KHDRBS2: variants seen among roughly 807,000 people sequenced by gnomAD.
The protein encoded by KHDRBS2 is KH RNA binding domain containing, signal transduction associated 2, also known as KH domain-containing, RNA-binding, signal transduction-associated protein 2.
Under a neutral mutation model 44.3 loss-of-function variants are expected in KHDRBS2, and 26 were observed. The observed-to-expected ratio is 0.59, with a 90% confidence interval of 0.43 to 0.81. The LOEUF (loss-of-function observed/expected upper bound fraction) is 0.81. Among genes scored for constraint, KHDRBS2 ranks in the 40% least tolerant of loss-of-function variants. The probability of loss-of-function intolerance (pLI) is 0.00; values close to 1 mark genes in which losing one functional copy is unlikely to be tolerated. For synonymous variants in KHDRBS2, 194 were observed against 151.1 expected, an observed-to-expected ratio of 1.28 and a Z score of -2.08; for missense variants, 476 against 433.1, an observed-to-expected ratio of 1.10 and a Z score of -0.88.
At chr6:62,161,280 G>A (rs571762334) in intron 2 of KHDRBS2, among the ~76,000 whole-genome samples, 1 of 151,818 alleles carries the variant, frequency 6.6e-6, no homozygotes, top group South Asian at 2.1e-4. Flanking sequence ...TACATTTAAA[G>A]TAATTACAGT....
intron 1 of KHDRBS2, among the ~76,000 whole-genome samples, chr6:62,185,517 C>T (rs1295028111): frequency 2.0e-5 from 3 of 151,826 alleles, no homozygotes; most frequent in South Asian, 4.1e-4. Flanking sequence ...TTATTGAAGG[C>T]ATAAGAGACT....
the KHDRBS2 span, among the ~76,000 whole-genome samples, chr6:61,567,932 A>T: frequency 6.6e-6 from 1 of 152,010 alleles, no homozygotes; most frequent in South Asian, 2.1e-4. Context: ...TCTATTCAGA[A>T]TTTTTTTCCA....
At chr6:61,643,892 A>T in the KHDRBS2 span, among the ~76,000 whole-genome samples, 1 of 152,226 alleles carries the variant, frequency 6.6e-6, no homozygotes, top group Admixed American at 6.5e-5. Context: ...AAAGCAATTT[A>T]CAGATTCAAT....
chr6:61,641,819 G>A, the KHDRBS2 span, among the ~76,000 whole-genome samples: 9 of 152,218 alleles, frequency 5.9e-5, no homozygotes, highest in Non-Finnish European at 1.3e-4. Context: ...GATAGAGATA[G>A]AGGCCAAGCC....
chr6:61,617,977 T>C, the KHDRBS2 span, among the ~76,000 whole-genome samples: 29 of 152,316 alleles, frequency 1.9e-4, no homozygotes, highest in African/African-American at 6.7e-4. Context: ...TTTAGAATAA[T>C]TTGCCATTTA....
intron 1 of KHDRBS2, among the ~76,000 whole-genome samples, chr6:62,200,559 G>A (rs556703881): frequency 1.1e-4 from 17 of 152,264 alleles, no homozygotes; most frequent in African/African-American, 4.1e-4. Flanking sequence ...CAGTTAGAAT[G>A]GCGATCATTA....
intron 6 of KHDRBS2, among the ~76,000 whole-genome samples, chr6:61,769,118 T>G (rs1780438795): frequency 6.6e-6 from 1 of 152,206 alleles, no homozygotes; most frequent in South Asian, 2.1e-4. Flanking sequence ...ATGTTGCATT[T>G]TAGGCTGACG....
chr6:62,216,007 CTCA>C (rs1335105131), intron 1 of KHDRBS2, among the ~76,000 whole-genome samples: 2 of 151,534 alleles, frequency 1.3e-5, no homozygotes, highest in Non-Finnish European at 3.0e-5. Context: ...AGAAATATTT[CTCA>C]TAATATATAG....
intron 6 of KHDRBS2, among the ~76,000 whole-genome samples, chr6:61,834,878 G>A (rs966071131): frequency 1.3e-4 from 19 of 151,960 alleles, no homozygotes; most frequent in Non-Finnish European, 2.2e-4. Flanking sequence ...ATTTGGTGTC[G>A]TAAATTTCTT....
intron 7 of KHDRBS2, among the ~76,000 whole-genome samples, chr6:61,709,370 T>C (rs1278709498): frequency 6.6e-6 from 1 of 151,648 alleles, no homozygotes; most frequent in Non-Finnish European, 1.5e-5. Flanking sequence ...AGATGATCTA[T>C]ATAAGGCATC....
At chr6:61,931,382 A>G (rs1235362636) in intron 4 of KHDRBS2, among the ~76,000 whole-genome samples, 1 of 152,028 alleles carries the variant, frequency 6.6e-6, no homozygotes, top group Non-Finnish European at 1.5e-5. Context: ...AAGAAACTAA[A>G]GAAACCTGAA....
intron 4 of KHDRBS2, among the ~76,000 whole-genome samples, chr6:61,960,321 T>C (rs1241298968): frequency 6.6e-6 from 1 of 152,088 alleles, no homozygotes. Context: ...GAAAGATTTA[T>C]TTTAAAAAAA....
At chr6:62,022,700 T>TA (rs1173980748) in intron 3 of KHDRBS2, among the ~76,000 whole-genome samples, 1 of 151,716 alleles carries the variant, frequency 6.6e-6, no homozygotes, top group African/African-American at 2.4e-5. Flanking sequence ...AAACTTACCA[T>TA]AAAAAACATT....
intron 1 of KHDRBS2, among the ~76,000 whole-genome samples, chr6:62,263,808 C>A (rs754605050): frequency 1.3e-5 from 2 of 151,718 alleles, no homozygotes; most frequent in Non-Finnish European, 3.0e-5. Flanking sequence ...GGTTTTACAT[C>A]CTTGCCATAG....
chr6:61,902,307 G>A (rs1804202322), intron 4 of KHDRBS2, among the ~76,000 whole-genome samples: 1 of 152,122 alleles, frequency 6.6e-6, no homozygotes. Context: ...TAGGCTAAGG[G>A]AAAGTGAGAG....
rs1270841497 is a variant in KHDRBS2 at position 61,886,070 on chromosome 6, C to CTA, written c.810+8563_810+8564dup. Among the ~76,000 whole-genome samples the CTA allele has an allele frequency of 2.0e-5, 3 of 152,150 alleles. No homozygotes were observed. The East Asian group carries it at 5.8e-4, about 29-fold the overall frequency. On this transcript the variant is annotated intron_variant, in intron 6 of 8. Transcript: ENST00000281156. Reference sequence around the variant, plus strand: ...TAGGGCCACATCTCAGTCAGTCTCACTATTGTTAATTCCCTAAATCTTCTT... The same window carrying CTA: ...TAGGGCCACATCTCAGTCAGTCTCACTATATTGTTAATTCCCTAAATCTTCTT...
intron 6 of KHDRBS2, among the ~76,000 whole-genome samples, chr6:61,763,177 C>G (rs183347560): frequency 4.9e-4 from 75 of 152,204 alleles, no homozygotes; most frequent in African/African-American, 1.6e-3. Context: ...ATCTGCTAGA[C>G]GTGGGGAGTG....
Position 61,680,642 on chromosome 6 carries a change from A to AC in KHDRBS2, c.*320_*321insG, listed in dbSNP as rs1447168384. On this transcript the variant is annotated 3_prime_UTR_variant, in exon 9 of 9. Transcript: ENST00000281156. Reference sequence around the variant, plus strand: ...TTAACAAATTCATGCTTTTCCTCAAAAAAAAAAAAAAGAAAAAGAAAAAAA... The same window carrying AC: ...TTAACAAATTCATGCTTTTCCTCAAACAAAAAAAAAAAGAAAAAGAAAAAAA... 6.1e-6 allele frequency: 1 copy of AC among 164,344 alleles called. No individual in the cohort carries two copies. The highest frequency in any genetic ancestry group is 2.4e-5 in the African/African-American group (1 of 41,296). The allele number at this position is 164,344 out of a possible 1,614,324, so 10.2% of individuals were successfully genotyped here. A position where few individuals can be genotyped will look rare whatever the true frequency, so the allele number is the denominator to read the frequency against.
chr6:61,545,507 G>GTA, the KHDRBS2 span, among the ~76,000 whole-genome samples: 2 of 151,338 alleles, frequency 1.3e-5, no homozygotes, highest in Non-Finnish European at 3.0e-5. Context: ...ATCTCTGTGT[G>GTA]TGTGTGTGTG....
Sources: allele counts gnomAD v4.1 joint callset (sites outside exome capture counted in the v4.1 genomes callset), GRCh38; gene constraint gnomAD v4.1.1; transcripts MANE v1.5; gene names NCBI Gene and HGNC (gene_info 2026-07-23, HGNC 2026-07-21).